ADCY10: variants seen among roughly 807,000 people sequenced by gnomAD.
ADCY10 encodes the protein adenylate cyclase type 10.
In ADCY10, 156 loss-of-function variants were observed where a neutral mutation model predicts 183.3. That is an observed-to-expected ratio of 0.85 (90% CI 0.75 to 0.97). ADCY10 has a LOEUF of 0.97. Among genes scored for constraint, ADCY10 ranks in the 50% least tolerant of loss-of-function variants. The pLI is 0.00. For synonymous variants in ADCY10, 645 were observed against 670.0 expected, an observed-to-expected ratio of 0.96 and a Z score of 0.58; for missense variants, 1,745 against 1,934.3, an observed-to-expected ratio of 0.90 and a Z score of 1.84.
At chr1:167,874,170 A>G (rs1269526581) in intron 13 of ADCY10, among the ~76,000 whole-genome samples, 1 of 152,138 alleles carries the variant, frequency 6.6e-6, no homozygotes, top group Non-Finnish European at 1.5e-5. Context: ...TGCCTCCACT[A>G]AAATATAAAA....
intron 17 of ADCY10, 141 bp from the exon 18 acceptor site, chr1:167,854,630 G>T (rs1005487358): frequency 9.4e-7 from 1 of 1,065,836 alleles, no homozygotes; most frequent in Non-Finnish European, 1.4e-6. Context: ...TTGAGGCATT[G>T]CTTTGTTTTC....
intron 29 of ADCY10, 36 bp downstream of exon 29, chr1:167,822,972 C>T (rs946182273): frequency 3.2e-6 from 5 of 1,581,882 alleles, no homozygotes; most frequent in Admixed American, 1.7e-5. Context: ...GGTATCAACA[C>T]CCCCAAGTTC....
chr1:167,839,242 C>G (rs989633026), intron 21 of ADCY10, among the ~76,000 whole-genome samples: 1 of 152,248 alleles, frequency 6.6e-6, no homozygotes, highest in African/African-American at 2.4e-5. Flanking sequence ...TCTTCAGCTT[C>G]CCTTGCAACT....
At chr1:167,856,134 C>T (rs752802697) in intron 17 of ADCY10, 31 bp downstream of exon 17, 18 of 1,612,540 alleles carry the variant, frequency 1.1e-5, no homozygotes, top group African/African-American at 2.7e-5. Context: ...ATGCAGATGT[C>T]GAGAGTTCAG....
chr1:167,874,283 A>G (rs1667299826), intron 13 of ADCY10, among the ~76,000 whole-genome samples: 1 of 152,134 alleles, frequency 6.6e-6, no homozygotes. Flanking sequence ...GTGAGCCAAG[A>G]TTGCTCCTTT....
chr1:167,878,766 C>T, intron 11 of ADCY10, 131 bp from the exon 12 acceptor site: 1 of 931,326 alleles, frequency 1.1e-6, no homozygotes, highest in South Asian at 1.5e-5. Context: ...ACACAGAAGC[C>T]TAGTCTCAAG....
chr1:167,895,383 T>A (rs1438242911), intron 7 of ADCY10, among the ~76,000 whole-genome samples: 2 of 152,034 alleles, frequency 1.3e-5, no homozygotes, highest in African/African-American at 4.8e-5. Flanking sequence ...TTGTACAGTC[T>A]CCCCACTCCC....
intron 25 of ADCY10, among the ~76,000 whole-genome samples, chr1:167,830,657 G>T (rs1663652757): frequency 6.6e-6 from 1 of 152,204 alleles, no homozygotes; most frequent in Admixed American, 6.5e-5. Context: ...GCCTCCCGAA[G>T]TGCTGGGATT....
At position 167,856,270 on chromosome 1, in the gene ADCY10, T is replaced by C. The variant is rs201393165; in HGVS notation, c.2066A>G (p.Asn689Ser). The C allele has an allele frequency of 1.9e-6, 3 of 1,613,906 alleles. No individual in the cohort carries two copies. Among genetic ancestry groups the C allele is most frequent in the East Asian group, 4.5e-5 (2 of 44,874 alleles). Residue 689 changes from asparagine to serine, a missense_variant, in exon 17 of 33, where the codon AAC (asparagine) becomes AGC (serine). Transcript: ENST00000367851. ...PCAAARAVIKNRNTTYIVIGA... is the reference protein window; with the variant it reads ...PCAAARAVIKSRNTTYIVIGA... ...AATGACAATGTAGGTGGTGTTCCTG[T>C]TCTTTATTACGGCCCTGGCAGCTGC...
intron 13 of ADCY10, among the ~76,000 whole-genome samples, chr1:167,872,193 C>T (rs965324383): frequency 1.3e-5 from 2 of 152,046 alleles, no homozygotes; most frequent in Non-Finnish European, 2.9e-5. Context: ...ACAAAATTAG[C>T]CGGGCGTGGT....
intron 30 of ADCY10, chr1:167,819,823 C>T: frequency 1.6e-6 from 1 of 634,870 alleles, no homozygotes; most frequent in Non-Finnish European, 2.8e-6. Flanking sequence ...CCTCGGCCTC[C>T]CAAAGTGCTG....
intron 14 of ADCY10, among the ~76,000 whole-genome samples, chr1:167,863,974 T>C (rs1429229723): frequency 1.3e-5 from 2 of 152,066 alleles, no homozygotes; most frequent in Non-Finnish European, 2.9e-5. Flanking sequence ...TCTTGGGAAC[T>C]TGCCCACTCC....
At chr1:167,893,781 C>A in intron 8 of ADCY10, 72 bp downstream of exon 8, 13 of 638,744 alleles carry the variant, frequency 2.0e-5, no homozygotes, top group East Asian at 6.9e-5. Context: ...TTTTTTTTTT[C>A]TTAAATCTTA....
At chr1:167,892,751 C>G (rs80124755) in intron 8 of ADCY10, among the ~76,000 whole-genome samples, 12 of 152,086 alleles carry the variant, frequency 7.9e-5, no homozygotes, top group South Asian at 4.1e-4. Context: ...ACTGGACAGG[C>G]CTTTGTTACA....
chr1:167,809,907 A>G, intron 32 of ADCY10, 68 bp from the exon 33 acceptor site: 1 of 1,511,424 alleles, frequency 6.6e-7, no homozygotes, highest in Non-Finnish European at 9.2e-7. Flanking sequence ...AGGTTAGTCC[A>G]ATATCAAACA....
In ADCY10 at chr1:167,880,106, C is replaced by A. The variant is rs751925856; in HGVS notation, c.1216+9G>T. ...GAAAGAAAGCTGGAGATGAGCTGAC[C>A]CAGCACACCTGTGTACTCGTGTCTC... On this transcript the variant is annotated intron_variant, in intron 11 of 32. Transcript: ENST00000367851. 6.2e-7 allele frequency: 1 copy of A among 1,610,060 alleles called. No homozygotes were observed. The highest frequency in any genetic ancestry group is 8.5e-7 in the Non-Finnish European group (1 of 1,178,428).
intron 16 of ADCY10, 42 bp from the exon 17 acceptor site, chr1:167,856,481 G>A (rs781324511): frequency 6.2e-6 from 10 of 1,609,808 alleles, no homozygotes; most frequent in South Asian, 2.2e-5. Flanking sequence ...ACCATAGGAC[G>A]TCAGGTTTTT....
chr1:167,809,426 G>C lies in ADCY10; in HGVS notation c.*252C>G, dbSNP rs1662061003. On this transcript the variant is annotated 3_prime_UTR_variant, in exon 33 of 33. Coordinates refer to ENST00000367851, the MANE Select transcript of ADCY10 (RefSeq NM_018417.6). ...TGTAATATGATACAGTTTTGCATGG[G>C]CTGAAATAAACAGGTCAAGCTAAAA... The C allele has an allele frequency of 2.1e-6, 1 of 476,000 alleles. No individual in the cohort carries two copies. Among genetic ancestry groups the C allele is most frequent in the Admixed American group, 3.6e-5 (1 of 27,558 alleles). 29.5% of individuals were successfully genotyped at this position (476,000 alleles called of 1,614,324 possible). A position where few individuals can be genotyped will look rare whatever the true frequency, so the allele number is the denominator to read the frequency against.
chr1:167,880,017 C>T (rs1362848228), intron 11 of ADCY10, 98 bp downstream of exon 11: 33 of 1,003,214 alleles, frequency 3.3e-5, no homozygotes, highest in Non-Finnish European at 3.1e-6. Flanking sequence ...GAGGGCAGGG[C>T]TCATGTCTCA....
Sources: allele counts gnomAD v4.1 joint callset (sites outside exome capture counted in the v4.1 genomes callset), GRCh38; gene constraint gnomAD v4.1.1; transcripts MANE v1.5; gene names NCBI Gene and HGNC (gene_info 2026-07-23, HGNC 2026-07-21).